The following ZNF827 variants were observed in gnomAD, a reference collection of about 807,000 sequenced individuals.
ZNF827 encodes zinc finger protein 827.
ZNF827 carries 13 observed loss-of-function variants against 102.4 expected under a neutral mutation model. The ratio of observed to expected loss-of-function variants is 0.13; its 90% CI spans 0.08 to 0.20. The LOEUF is 0.20. ZNF827 is among the 10% of genes least tolerant of loss of function. The pLI is 1.00. For synonymous variants in ZNF827, 523 were observed against 536.2 expected (o/e 0.98, Z 0.34); for missense variants, 1,103 against 1,344.4 (o/e 0.82, Z 2.81).
At chr4:145,928,508 G>A (rs1381653839) in intron 1 of ZNF827, among the ~76,000 whole-genome samples, 1 of 152,118 alleles carries the variant, frequency 6.6e-6, no homozygotes, top group Non-Finnish European at 1.5e-5. Flanking sequence ...GTGTTAATAT[G>A]GCCAGCATTT....
intron 2 of ZNF827, among the ~76,000 whole-genome samples, chr4:145,901,450 GA>G (rs1291663939): frequency 6.6e-6 from 1 of 152,136 alleles, no homozygotes; most frequent in Non-Finnish European, 1.5e-5. Context: ...TTCTCCTTTG[GA>G]AAGACTGCCT....
intron 4 of ZNF827, among the ~76,000 whole-genome samples, chr4:145,882,497 A>G (rs1749753863): frequency 6.6e-6 from 1 of 152,146 alleles, no homozygotes; most frequent in Non-Finnish European, 1.5e-5. Context: ...CATGCACGTT[A>G]AGAAACCTCT....
At chr4:145,917,820 A>G (rs776814687) in intron 1 of ZNF827, among the ~76,000 whole-genome samples, 53 of 150,776 alleles carry the variant, frequency 3.5e-4, no homozygotes, top group Admixed American at 8.6e-4. Flanking sequence ...CTTTTGGGTG[A>G]CTGTTAAGTG....
chr4:145,927,153 C>T (rs1753484729), intron 1 of ZNF827, among the ~76,000 whole-genome samples: 1 of 152,144 alleles, frequency 6.6e-6, no homozygotes, highest in Non-Finnish European at 1.5e-5. Flanking sequence ...CTAGAGAGGA[C>T]TGTTGGGTTA....
intron 5 of ZNF827, among the ~76,000 whole-genome samples, chr4:145,867,402 CATG>C (rs1482620329): frequency 2.0e-5 from 3 of 152,218 alleles, no homozygotes; most frequent in African/African-American, 4.8e-5. Context: ...AAAAGTTCCA[CATG>C]ATATGTGACT....
At chr4:145,801,257 T>C (rs1341482272) in intron 8 of ZNF827, among the ~76,000 whole-genome samples, 1 of 152,208 alleles carries the variant, frequency 6.6e-6, no homozygotes, top group Non-Finnish European at 1.5e-5. Context: ...ATTGCCCTGT[T>C]AAACTTCCAA....
chr4:145,809,050 C>G (rs965004237), intron 8 of ZNF827, among the ~76,000 whole-genome samples: 1 of 152,204 alleles, frequency 6.6e-6, no homozygotes, highest in Non-Finnish European at 1.5e-5. Flanking sequence ...ATCCTCCTGC[C>G]TTGGCTTCCC....
intron 2 of ZNF827, among the ~76,000 whole-genome samples, chr4:145,893,026 T>C (rs759984560): frequency 5.3e-4 from 81 of 152,150 alleles, no homozygotes; most frequent in Non-Finnish European, 8.8e-4. Context: ...CATCAGGGGG[T>C]CTTAAGGTCA....
At chr4:145,916,882 C>T (rs1471301746) in intron 1 of ZNF827, among the ~76,000 whole-genome samples, 2 of 152,178 alleles carry the variant, frequency 1.3e-5, no homozygotes, top group African/African-American at 2.4e-5. Flanking sequence ...AGGGTATGGA[C>T]ACAATTCGGC....
chr4:145,829,325 T>C (rs1047983845), intron 7 of ZNF827, among the ~76,000 whole-genome samples: 1 of 152,172 alleles, frequency 6.6e-6, no homozygotes, highest in African/African-American at 2.4e-5. Flanking sequence ...TAAGAGTTTC[T>C]GGCAAATCAT....
chr4:145,796,277 A>C (rs1294129613), intron 8 of ZNF827, among the ~76,000 whole-genome samples: 1 of 152,234 alleles, frequency 6.6e-6, no homozygotes, highest in East Asian at 1.9e-4. Flanking sequence ...TTCCTAAAAC[A>C]AACACACGCA....
chr4:145,846,575 G>C (rs986173344), intron 6 of ZNF827, among the ~76,000 whole-genome samples: 3 of 145,736 alleles, frequency 2.1e-5, no homozygotes, highest in Admixed American at 2.0e-4. Flanking sequence ...CCAGCACTTT[G>C]GGAGGCCGAG....
chr4:145,851,565 A>G (rs573457111), intron 5 of ZNF827, among the ~76,000 whole-genome samples: 1 of 152,350 alleles, frequency 6.6e-6, no homozygotes, highest in South Asian at 2.1e-4. Context: ...AGTGCTATCA[A>G]TAAGATCTTA....
At chr4:145,903,522 TG>T (rs1327753712) in intron 1 of ZNF827, among the ~76,000 whole-genome samples, 1 of 152,056 alleles carries the variant, frequency 6.6e-6, no homozygotes, top group Non-Finnish European at 1.5e-5. Flanking sequence ...TTTCAGGGAA[TG>T]GGGGGAAATG....
At chr4:145,843,684 CT>C (rs1745640653) in intron 7 of ZNF827, among the ~76,000 whole-genome samples, 1 of 152,168 alleles carries the variant, frequency 6.6e-6, no homozygotes, top group South Asian at 2.1e-4. Flanking sequence ...TGCCCAGATC[CT>C]CCCTCTGGCA....
chr4:145,874,836 C>A (rs942229822), intron 4 of ZNF827, among the ~76,000 whole-genome samples: 2 of 152,190 alleles, frequency 1.3e-5, no homozygotes, highest in African/African-American at 4.8e-5. Flanking sequence ...AAGAGGCCCC[C>A]TCTCTCGCTG....
At chr4:145,912,747 G>C (rs141383923) in intron 1 of ZNF827, among the ~76,000 whole-genome samples, 1 of 152,310 alleles carries the variant, frequency 6.6e-6, no homozygotes, top group East Asian at 1.9e-4. Context: ...GAGAGGTCTG[G>C]AACAGACCCT....
chr4:145,823,864 G>C (rs1035774280), intron 7 of ZNF827, among the ~76,000 whole-genome samples: 16 of 152,188 alleles, frequency 1.1e-4, no homozygotes, highest in Non-Finnish European at 1.9e-4. Flanking sequence ...GCCTGGGTCA[G>C]AATCAGAAAG....
At chr4:145,833,857 GACCTCTTATCTCTGCGCCCCA>G (rs1255950872) in intron 7 of ZNF827, among the ~76,000 whole-genome samples, 7 of 148,362 alleles carry the variant, frequency 4.7e-5, no homozygotes, top group African/African-American at 1.5e-4. Context: ...TCCATGCCCT[GACCTCTTATCTCTGCGCCCCA>G]ACCTCTTATC....
Sources: allele counts gnomAD v4.1 joint callset (sites outside exome capture counted in the v4.1 genomes callset), GRCh38; gene constraint gnomAD v4.1.1; transcripts MANE v1.5; gene names NCBI Gene and HGNC (gene_info 2026-07-23, HGNC 2026-07-21).